The following EPM2A variants were observed in gnomAD, a reference collection of about 807,000 sequenced individuals.
The protein encoded by EPM2A is EPM2A glucan phosphatase, laforin.
In EPM2A, 21 loss-of-function variants were observed where a neutral mutation model predicts 26.5. That is an observed-to-expected ratio of 0.79 (90% CI 0.56 to 1.14). EPM2A has a LOEUF of 1.14. Ranked by LOEUF, EPM2A falls within the 50% of genes most tolerant of loss-of-function variation. The pLI is 0.00. For missense variants in EPM2A, 458 were observed against 440.8 expected, an observed-to-expected ratio of 1.04 and a Z score of -0.35; for synonymous variants, 217 against 177.6, an observed-to-expected ratio of 1.22 and a Z score of -1.76.
chr6:145,482,259 G>A (rs1779618859), intron 4 of EPM2A, among the ~76,000 whole-genome samples: 1 of 152,122 alleles, frequency 6.6e-6, no homozygotes, highest in Non-Finnish European at 1.5e-5. Flanking sequence ...ATGCCACTCA[G>A]CAATTTTTTC....
At chr6:145,555,336 A>C (rs1371748887) in intron 2 of EPM2A, among the ~76,000 whole-genome samples, 2 of 152,068 alleles carry the variant, frequency 1.3e-5, no homozygotes, top group African/African-American at 4.8e-5. Context: ...GCCTTTGTGC[A>C]TATGGCTTCC....
chr6:145,658,897 T>G (rs857875), intron 2 of EPM2A, among the ~76,000 whole-genome samples: 82,768 of 151,896 alleles, frequency 0.54, 23,117 homozygotes, highest in East Asian at 0.74. Flanking sequence ...ATTTGTTCCT[T>G]AGGCTTAGAT....
chr6:145,428,871 A>G (rs781752199), intron 4 of EPM2A, among the ~76,000 whole-genome samples: 2 of 152,230 alleles, frequency 1.3e-5, no homozygotes, highest in African/African-American at 4.8e-5. Context: ...GGCACTTATC[A>G]TTAACCCAGA....
chr6:145,458,223 A>G (rs1779285665), intron 4 of EPM2A, among the ~76,000 whole-genome samples: 1 of 152,222 alleles, frequency 6.6e-6, no homozygotes, highest in Non-Finnish European at 1.5e-5. Flanking sequence ...CCTCAGTGCC[A>G]ATCCTTGCCA....
At chr6:145,637,766 T>G (rs570487430) in intron 2 of EPM2A, 1 of 152,338 alleles carries the variant, frequency 6.6e-6, no homozygotes, top group East Asian at 1.9e-4. Context: ...TAGCTGAGTA[T>G]TCGGGGGAAA....
At chr6:145,407,829 ATGATACTGTCAGTT>A (rs1193764788) in intron 4 of EPM2A, among the ~76,000 whole-genome samples, 1 of 152,178 alleles carries the variant, frequency 6.6e-6, no homozygotes, top group Non-Finnish European at 1.5e-5. Flanking sequence ...AGATACACAA[ATGATACTGTCAGTT>A]TGACTGAAGC....
At chr6:145,388,081 A>G (rs939347773) in intron 4 of EPM2A, among the ~76,000 whole-genome samples, 8 of 152,224 alleles carry the variant, frequency 5.3e-5, no homozygotes, top group Admixed American at 1.3e-4. Flanking sequence ...TTTTTTAAAA[A>G]TGAAGTAAAT....
At chr6:145,533,384 A>G (rs543237670) in intron 2 of EPM2A, among the ~76,000 whole-genome samples, 1 of 152,258 alleles carries the variant, frequency 6.6e-6, no homozygotes, top group Non-Finnish European at 1.5e-5. Flanking sequence ...ATCTCCACCC[A>G]GTAGTCAAAG....
At chr6:145,399,816 C>T (rs188231953) in intron 4 of EPM2A, among the ~76,000 whole-genome samples, 1 of 152,086 alleles carries the variant, frequency 6.6e-6, no homozygotes, top group African/African-American at 2.4e-5. Context: ...ACAAAAATTA[C>T]GAACTACAGA....
chr6:145,646,857 G>A (rs954004446), intron 2 of EPM2A, among the ~76,000 whole-genome samples: 1 of 151,948 alleles, frequency 6.6e-6, no homozygotes, highest in Non-Finnish European at 1.5e-5. Context: ...AAACGTGCAC[G>A]ATTCTTCTCT....
At chr6:145,502,110 A>G (rs1779898517) in intron 3 of EPM2A, among the ~76,000 whole-genome samples, 1 of 152,250 alleles carries the variant, frequency 6.6e-6, no homozygotes, top group Non-Finnish European at 1.5e-5. Flanking sequence ...CAAAGGCATG[A>G]GCACAGGTAA....
intron 1 of EPM2A, among the ~76,000 whole-genome samples, chr6:145,734,405 G>A (rs187371421): frequency 6.6e-6 from 1 of 151,990 alleles, no homozygotes; most frequent in African/African-American, 2.4e-5. Flanking sequence ...TACAAGCAGT[G>A]TGCTTAAGAT....
intron 1 of EPM2A, among the ~76,000 whole-genome samples, chr6:145,709,391 G>A (rs540885060): frequency 6.6e-6 from 1 of 152,166 alleles, no homozygotes; most frequent in South Asian, 2.1e-4. Context: ...CATGGGGGAG[G>A]GCTTCTCTCA....
chr6:145,719,615 A>G (rs967464962), intron 1 of EPM2A, among the ~76,000 whole-genome samples: 1 of 152,198 alleles, frequency 6.6e-6, no homozygotes, highest in Non-Finnish European at 1.5e-5. Flanking sequence ...TAAAACTTAA[A>G]GTATAATAAT....
At chr6:145,670,893 C>T in intron 2 of EPM2A, 1 of 985,120 alleles carries the variant, frequency 1.0e-6, no homozygotes, top group Non-Finnish European at 1.2e-6. Context: ...AGTTAATACT[C>T]AATAAAAATC....
intron 4 of EPM2A, among the ~76,000 whole-genome samples, chr6:145,475,175 T>A (rs1194745111): frequency 2.0e-5 from 3 of 152,304 alleles, no homozygotes; most frequent in Admixed American, 6.5e-5. Flanking sequence ...CACACATATG[T>A]TTTTTGCAGC....
chr6:145,490,618 C>G (rs1393146977), intron 4 of EPM2A: 3 of 661,800 alleles, frequency 4.5e-6, no homozygotes, highest in Non-Finnish European at 8.7e-6. Context: ...TGTGCTCTCC[C>G]AAAGATACCT....
intron 4 of EPM2A, among the ~76,000 whole-genome samples, chr6:145,408,866 G>A (rs1156464320): frequency 3.3e-5 from 5 of 152,004 alleles, no homozygotes; most frequent in Non-Finnish European, 5.9e-5. Context: ...TCTTTTACAG[G>A]AGCACTAATG....
At chr6:145,422,214 C>T (rs937855253) in intron 4 of EPM2A, among the ~76,000 whole-genome samples, 1 of 144,100 alleles carries the variant, frequency 6.9e-6, no homozygotes, top group Non-Finnish European at 1.5e-5. Context: ...GTATATAGAT[C>T]TCATACAAAT....
Sources: allele counts gnomAD v4.1 joint callset (sites outside exome capture counted in the v4.1 genomes callset), GRCh38; gene constraint gnomAD v4.1.1; transcripts MANE v1.5; gene names NCBI Gene and HGNC (gene_info 2026-07-23, HGNC 2026-07-21).